Variants in TRABD2A observed in about 807,000 individuals in gnomAD.
The protein encoded by TRABD2A is metalloprotease TIKI1.
In TRABD2A, 43 loss-of-function variants were observed where a neutral mutation model predicts 45.6. That is an observed-to-expected ratio of 0.94 (90% confidence interval 0.74 to 1.22). The LOEUF (loss-of-function observed/expected upper bound fraction) is 1.22. Among genes scored for constraint, TRABD2A ranks in the 50% most tolerant of loss-of-function variants. TRABD2A has a pLI of 0.00. For missense variants in TRABD2A, 642 were observed against 652.4 expected, an observed-to-expected ratio of 0.98 and a Z score of 0.17; for synonymous variants, 269 against 265.0, an observed-to-expected ratio of 1.02 and a Z score of -0.15.
At position 84,870,735 on chromosome 2, in the gene TRABD2A, A is replaced by G. The variant is rs545653816; in HGVS notation, c.159T>C (p.Ser53=). 6.2e-7 allele frequency: 1 copy of G among 1,600,524 alleles called. No individual in the cohort carries two copies. Among genetic ancestry groups the G allele is most frequent in the Admixed American group, 1.7e-5 (1 of 57,726 alleles). Reference sequence around the variant, plus strand: ...GGACATGGATTGTGCCAAAGAAGTAAGATGGTGGGTCTCGCTTAATGGTCC... The same window carrying G: ...GGACATGGATTGTGCCAAAGAAGTAGGATGGTGGGTCTCGCTTAATGGTCC... ...FLWTIKRDPP[S]YFFGTIHVPY... The change falls in exon 2 of 7, where the codon TCT becomes TCC. Residue 53 remains serine, a synonymous_variant. Coordinates refer to ENST00000409520, the MANE Select transcript of TRABD2A (RefSeq NM_001277053.2).
rs373182119 is a variant in TRABD2A, at chr2:84,821,887, G to A, written c.*30C>T. 1.8e-5 allele frequency: 27 copies of A among 1,535,100 alleles called. No individual in the cohort carries two copies. The African/African-American group carries it at 3.4e-4, about 19-fold the overall frequency. Reference sequence around the variant, plus strand: ...AATGGCCATTCTTCAAGTCCGAGGGGTCAGGTTCTTAGCCTGGTGCTTCCA... The same window carrying A: ...AATGGCCATTCTTCAAGTCCGAGGGATCAGGTTCTTAGCCTGGTGCTTCCA... On this transcript the variant is annotated 3_prime_UTR_variant, in exon 7 of 7. Transcript: ENST00000409520.
intron 1 of TRABD2A, among the ~76,000 whole-genome samples, chr2:84,876,133 T>C (rs1683019045): frequency 1.3e-5 from 2 of 152,150 alleles, no homozygotes; most frequent in African/African-American, 4.8e-5. Flanking sequence ...ATCTGTCCAA[T>C]TGACATGTCA....
rs1012151980 is a variant in TRABD2A at position 84,876,453 on chromosome 2, C to T, written c.108+4479G>A. ...CGATTGAAGAAAGTACTTCAAGGAG[C>T]AGAAAGTAAGCAAGCGGGTTAAATG... On this transcript the variant is annotated intron_variant, in intron 1 of 6. Transcript: ENST00000409520. Among the ~76,000 whole-genome samples, 6 of 152,260 alleles carry T rather than the reference C, an allele frequency of 3.9e-5. No individual in the cohort carries two copies. In the East Asian group the frequency reaches 7.7e-4, roughly 20 times the overall value.
chr2:84,827,612 G>A lies in TRABD2A; in HGVS notation c.1083-3408C>T, dbSNP rs996386485. ...GATCCCCAAAGATGTCCATGACCTA[G>A]CCCCTGGAAGCTGTGAACACATTAC... On this transcript the variant is annotated intron_variant, in intron 5 of 6. Coordinates refer to ENST00000409520, the MANE Select transcript of TRABD2A (RefSeq NM_001277053.2). Among the ~76,000 whole-genome samples, 12 of 152,172 alleles carry A rather than the reference G, an allele frequency of 7.9e-5. 1 individual carries two copies. Among genetic ancestry groups the A allele is most frequent in the Non-Finnish European group, 2.9e-5 (2 of 68,038 alleles).
chr2:84,838,532 G>C (rs1681593682), intron 4 of TRABD2A, among the ~76,000 whole-genome samples: 1 of 152,178 alleles, frequency 6.6e-6, no homozygotes, highest in African/African-American at 2.4e-5. Context: ...TTAAGTTTAT[G>C]AAGTTAGCAG....
chr2:84,880,520 T>C (rs1237457565), intron 1 of TRABD2A, among the ~76,000 whole-genome samples: 3 of 152,220 alleles, frequency 2.0e-5, no homozygotes, highest in Admixed American at 1.3e-4. Flanking sequence ...AGGGCGCTGT[T>C]AATATTTTGA....
rs1313417996 is a variant in TRABD2A, at chr2:84,880,996, A to G, written c.44T>C (p.Leu15Pro). The change falls in exon 1 of 7, where the codon CTG (leucine) becomes CCG (proline). Residue 15 changes from leucine (L) to proline (P), a missense_variant. Physicochemically the swap from Leu to Pro is moderately conservative, Grantham distance 98. Transcript: ENST00000409520. ...SWFLLQTLCLLPTGAASRRGA... is the reference protein window; with the variant it reads ...SWFLLQTLCLPPTGAASRRGA... ...GCGCCGCGAAGCTGCGCCCGTGGGC[A>G]GGAGGCAGAGGGTCTGCAGCAGGAA... is the stretch of plus-strand genomic sequence containing the variant. 1 of 1,605,944 alleles carries G rather than the reference A, an allele frequency of 6.2e-7. No homozygotes were observed. Among genetic ancestry groups the G allele is most frequent in the Non-Finnish European group, 8.5e-7 (1 of 1,177,002 alleles).
chr2:84,842,095 A>C, intron 2 of TRABD2A, 88 bp from the exon 3 acceptor site: 5 of 1,352,554 alleles, frequency 3.7e-6, no homozygotes, highest in Non-Finnish European at 3.9e-6. Context: ...AAATACCTTC[A>C]CCTTTGTGCT....
chr2:84,852,412 G>A lies in TRABD2A; in HGVS notation c.670-10405C>T, dbSNP rs571715506. 2.2e-3 allele frequency among the ~76,000 whole-genome samples: 339 copies of A among 152,080 alleles called. 3 individuals are homozygous for A. Among genetic ancestry groups the A allele is most frequent in the African/African-American group, 7.9e-3 (329 of 41,484 alleles). On this transcript the variant is annotated intron_variant, in intron 2 of 6. Transcript: ENST00000409520. ...CAGAATGACCATGGGGTTACGGGAG[G>A]AATGCCAGCATGACCATGGGATTGG...
intron 2 of TRABD2A, among the ~76,000 whole-genome samples, chr2:84,858,063 C>T (rs567947058): frequency 1.2e-3 from 187 of 152,100 alleles, no homozygotes; most frequent in African/African-American, 4.0e-3. Flanking sequence ...TTTGTAGAGA[C>T]GGGGTCTTGT....
At chr2:84,857,425 A>G (rs1682349809) in intron 2 of TRABD2A, among the ~76,000 whole-genome samples, 1 of 152,168 alleles carries the variant, frequency 6.6e-6, no homozygotes, top group Non-Finnish European at 1.5e-5. Context: ...GAAGAATCAT[A>G]TGAAGAACCA....
chr2:84,852,226 G>A (rs1328595201), intron 2 of TRABD2A, among the ~76,000 whole-genome samples: 3 of 152,186 alleles, frequency 2.0e-5, no homozygotes, highest in African/African-American at 7.2e-5. Context: ...GACAACAGGG[G>A]TGGCAGCACA....
chr2:84,851,978 G>A (rs1271269028), intron 2 of TRABD2A, among the ~76,000 whole-genome samples: 1 of 152,174 alleles, frequency 6.6e-6, no homozygotes, highest in Admixed American at 6.5e-5. Context: ...TCTCTGCCTT[G>A]CTTGATTCTC....
intron 2 of TRABD2A, among the ~76,000 whole-genome samples, chr2:84,854,820 T>C (rs1682219011): frequency 6.6e-6 from 1 of 152,188 alleles, no homozygotes; most frequent in Non-Finnish European, 1.5e-5. Flanking sequence ...CTTCCTGTCC[T>C]GTTAACTAAT....
chr2:84,848,419 T>TAGAC (rs1681979048), intron 2 of TRABD2A, among the ~76,000 whole-genome samples: 1 of 134,566 alleles, frequency 7.4e-6, no homozygotes, highest in African/African-American at 3.3e-5. Context: ...GACAGATAGA[T>TAGAC]AGTCTCCACT....
intron 2 of TRABD2A, among the ~76,000 whole-genome samples, chr2:84,861,870 T>C (rs764659950): frequency 1.3e-5 from 2 of 152,222 alleles, no homozygotes; most frequent in African/African-American, 2.4e-5. Context: ...AGGTCTCTCC[T>C]GTTAGGATTC....
At chr2:84,858,357 G>A (rs755572063) in intron 2 of TRABD2A, among the ~76,000 whole-genome samples, 41 of 152,210 alleles carry the variant, frequency 2.7e-4, no homozygotes, top group Admixed American at 2.5e-3. Flanking sequence ...AATTTTCCCA[G>A]ATTTGCCTGC....
At chr2:84,845,037 T>A (rs181737463) in intron 2 of TRABD2A, among the ~76,000 whole-genome samples, 1 of 152,332 alleles carries the variant, frequency 6.6e-6, no homozygotes, top group East Asian at 1.9e-4. Flanking sequence ...AGACTGTGTA[T>A]GGGCCACATC....
At chr2:84,846,364 C>A (rs747649871) in intron 2 of TRABD2A, among the ~76,000 whole-genome samples, 1 of 152,164 alleles carries the variant, frequency 6.6e-6, no homozygotes, top group Non-Finnish European at 1.5e-5. Context: ...CTTATTTATA[C>A]CCCAACTACT....
Sources: gnomAD v4.1 joint callset for allele counts (sites outside exome capture counted in the v4.1 genomes callset) on GRCh38, gnomAD v4.1.1 for gene constraint, MANE v1.5 for transcripts, NCBI Gene and HGNC (gene_info 2026-07-23, HGNC 2026-07-21) for gene names.